The following CDH18 variants were observed in gnomAD, a reference collection of about 807,000 sequenced individuals.
The protein encoded by CDH18 is cadherin 18, also known as cadherin-18.
In CDH18, 31 loss-of-function variants were observed where a neutral mutation model predicts 67.9. The observed-to-expected ratio is 0.46, with a 90% confidence interval of 0.34 to 0.62. The LOEUF (loss-of-function observed/expected upper bound fraction) is 0.62. Among genes scored for constraint, CDH18 ranks in the 20% least tolerant of loss-of-function variants. The probability of loss-of-function intolerance (pLI) is 0.01; values close to 1 mark genes in which losing one functional copy is unlikely to be tolerated. For synonymous variants in CDH18, 362 were observed against 347.2 expected (o/e 1.04, Z -0.48); for missense variants, 890 against 975.5 (o/e 0.91, Z 1.17).
chr5:19,518,865 C>G (rs1052262556), intron 10 of CDH18, among the ~76,000 whole-genome samples: 3 of 152,150 alleles, frequency 2.0e-5, no homozygotes, highest in Non-Finnish European at 2.9e-5. Flanking sequence ...ATATATACTT[C>G]TATCCTATTA....
intron 5 of CDH18, among the ~76,000 whole-genome samples, chr5:19,650,687 T>C (rs1301161279): frequency 6.6e-6 from 1 of 151,972 alleles, no homozygotes; most frequent in Admixed American, 6.6e-5. Flanking sequence ...ATGAAAGAGA[T>C]AATAGGGGTC....
chr5:20,346,142 C>T, intron 1 of CDH18, among the ~76,000 whole-genome samples: 1 of 152,104 alleles, frequency 6.6e-6, no homozygotes, highest in East Asian at 1.9e-4. Flanking sequence ...GGGGGGACTA[C>T]CCACCTCGAT....
chr5:20,419,767 G>A (rs531051831), intron 1 of CDH18, among the ~76,000 whole-genome samples: 2 of 150,916 alleles, frequency 1.3e-5, no homozygotes, highest in East Asian at 1.9e-4. Context: ...GTGAGCCGCC[G>A]CGCCTGTCCC....
At chr5:19,816,643 T>C (rs1298627905) in intron 3 of CDH18, among the ~76,000 whole-genome samples, 2 of 151,750 alleles carry the variant, frequency 1.3e-5, no homozygotes, top group Non-Finnish European at 3.0e-5. Flanking sequence ...TGACTAAAAA[T>C]AGGAAGTCAG....
intron 1 of CDH18, among the ~76,000 whole-genome samples, chr5:20,405,518 T>C (rs1296522550): frequency 1.3e-5 from 2 of 152,132 alleles, no homozygotes; most frequent in African/African-American, 2.4e-5. Context: ...ATTCAGGACA[T>C]AGGGATGGGC....
intron 1 of CDH18, among the ~76,000 whole-genome samples, chr5:20,384,481 C>T (rs1744158649): frequency 6.6e-6 from 1 of 152,160 alleles, no homozygotes; most frequent in Admixed American, 6.5e-5. Context: ...TTTATCCACT[C>T]ATCTGTTGTT....
chr5:20,220,174 G>A (rs1463799222), intron 2 of CDH18, among the ~76,000 whole-genome samples: 1 of 151,802 alleles, frequency 6.6e-6, no homozygotes, highest in Non-Finnish European at 1.5e-5. Context: ...AAGCTATTCT[G>A]AGCAAAAAGA....
At chr5:20,071,703 T>C (rs1022599134) in intron 2 of CDH18, among the ~76,000 whole-genome samples, 1 of 152,100 alleles carries the variant, frequency 6.6e-6, no homozygotes, top group Admixed American at 6.6e-5. Flanking sequence ...ACTTTATTCT[T>C]GTAATATTTG....
At chr5:19,814,636 A>C (rs545820256) in intron 3 of CDH18, among the ~76,000 whole-genome samples, 80 of 152,198 alleles carry the variant, frequency 5.3e-4, no homozygotes, top group Non-Finnish European at 1.0e-3. Context: ...TCAATTAAAA[A>C]ATAAATTTGA....
chr5:19,581,459 A>G (rs1012066036), intron 7 of CDH18, among the ~76,000 whole-genome samples: 1 of 151,918 alleles, frequency 6.6e-6, no homozygotes, highest in Non-Finnish European at 1.5e-5. Flanking sequence ...ACCCTATTAT[A>G]TTCTTCTCTG....
At chr5:19,596,123 A>T (rs909036282) in intron 6 of CDH18, among the ~76,000 whole-genome samples, 1 of 152,208 alleles carries the variant, frequency 6.6e-6, no homozygotes, top group African/African-American at 2.4e-5. Flanking sequence ...AAAATGTTGA[A>T]CTGGAACTAG....
chr5:20,211,339 G>A (rs2126381882), intron 2 of CDH18, among the ~76,000 whole-genome samples: 1 of 152,244 alleles, frequency 6.6e-6, no homozygotes, highest in Admixed American at 6.5e-5. Flanking sequence ...ACCAAATGCA[G>A]CAGAAACTTC....
intron 2 of CDH18, among the ~76,000 whole-genome samples, chr5:19,892,314 T>C (rs763308458): frequency 6.6e-6 from 1 of 152,132 alleles, no homozygotes; most frequent in Non-Finnish European, 1.5e-5. Context: ...CGGTGATATA[T>C]GATACTCATT....
intron 2 of CDH18, among the ~76,000 whole-genome samples, chr5:20,153,366 T>G (rs1408974174): frequency 6.6e-6 from 1 of 152,156 alleles, no homozygotes; most frequent in Non-Finnish European, 1.5e-5. Context: ...GAGTCTGTAT[T>G]CTCTACCTTT....
intron 1 of CDH18, among the ~76,000 whole-genome samples, chr5:20,423,642 T>A (rs1160365028): frequency 6.6e-6 from 1 of 150,430 alleles, no homozygotes; most frequent in East Asian, 1.9e-4. Flanking sequence ...GTAACAACGG[T>A]AGAATCAAAA....
chr5:20,224,601 T>A (rs1350237307), intron 2 of CDH18, among the ~76,000 whole-genome samples: 3 of 152,026 alleles, frequency 2.0e-5, no homozygotes, highest in African/African-American at 7.2e-5. Context: ...AATATTGATT[T>A]CTTATTTTCT....
intron 1 of CDH18, among the ~76,000 whole-genome samples, chr5:20,444,506 C>T (rs1749857337): frequency 6.6e-6 from 1 of 152,160 alleles, no homozygotes; most frequent in Admixed American, 6.5e-5. Flanking sequence ...CACTGCACTC[C>T]AGCCTGGGCA....
intron 1 of CDH18, among the ~76,000 whole-genome samples, chr5:20,539,053 T>C (rs1459345639): frequency 6.6e-6 from 1 of 151,972 alleles, no homozygotes; most frequent in Non-Finnish European, 1.5e-5. Context: ...CACGTTCTGC[T>C]AATTTTTGTA....
chr5:19,794,175 T>A (rs1335368371), intron 3 of CDH18, among the ~76,000 whole-genome samples: 1 of 152,170 alleles, frequency 6.6e-6, no homozygotes, highest in African/African-American at 2.4e-5. Context: ...ACTAATTTTA[T>A]GTATCATCCT....
Sources: gnomAD v4.1 joint callset for allele counts (sites outside exome capture counted in the v4.1 genomes callset) on GRCh38, gnomAD v4.1.1 for gene constraint, MANE v1.5 for transcripts, NCBI Gene and HGNC (gene_info 2026-07-23, HGNC 2026-07-21) for gene names.